Variants in C6orf132 observed in about 807,000 individuals in gnomAD.
The protein encoded by C6orf132 is chromosome 6 open reading frame 132.
In C6orf132, 43 loss-of-function variants were observed where a neutral mutation model predicts 65.3. That is an observed-to-expected ratio of 0.66 (90% CI 0.52 to 0.85). C6orf132 has a LOEUF of 0.85. Ranked by LOEUF, C6orf132 falls within the 40% of genes least tolerant of loss-of-function variation. The pLI, the probability that C6orf132 is intolerant of heterozygous loss-of-function variation, is 0.00. For synonymous variants in C6orf132, 631 were observed against 654.1 expected, an observed-to-expected ratio of 0.96 and a Z score of 0.54; for missense variants, 1,488 against 1,548.8, an observed-to-expected ratio of 0.96 and a Z score of 0.66.
At chr6:42,116,504 A>G (rs892253014) in intron 2 of C6orf132, among the ~76,000 whole-genome samples, 2 of 152,012 alleles carry the variant, frequency 1.3e-5, no homozygotes, top group African/African-American at 4.8e-5. Flanking sequence ...TCCCTCACCC[A>G]GATGAACAGA....
At chr6:42,126,703 C>T (rs1766772095) in intron 2 of C6orf132, 1 of 310,252 alleles carries the variant, frequency 3.2e-6, no homozygotes, top group East Asian at 4.9e-5. Context: ...ATTTGCCGGG[C>T]ATGGTGGTGG....
In C6orf132 at chr6:42,142,488, C is replaced by T; in HGVS notation, c.-44G>A. On this transcript the variant is annotated 5_prime_UTR_variant, in exon 1 of 5. Coordinates refer to ENST00000341865, the MANE Select transcript of C6orf132 (RefSeq NM_001164446.3). ...GGCGCCAGGGAAGGACCTTCCCTCC[C>T]TCGCCCTGCCCTGCCCCGGACTGAA... The T allele has an allele frequency of 6.5e-7, 1 of 1,539,530 alleles. No individual in the cohort carries two copies. Among genetic ancestry groups the T allele is most frequent in the Non-Finnish European group, 8.8e-7 (1 of 1,141,418 alleles).
At chr6:42,115,377 TG>T (rs1388935430) in intron 2 of C6orf132, among the ~76,000 whole-genome samples, 1 of 151,746 alleles carries the variant, frequency 6.6e-6, no homozygotes, top group Non-Finnish European at 1.5e-5. Flanking sequence ...CCGGGCGCAG[TG>T]GCTCATGCCT....
intron 1 of C6orf132, among the ~76,000 whole-genome samples, chr6:42,134,483 C>T (rs1453666455): frequency 6.6e-6 from 1 of 152,016 alleles, no homozygotes; most frequent in African/African-American, 2.4e-5. Flanking sequence ...AGCTCAAGAT[C>T]AGCCTGGCGG....
intron 2 of C6orf132, among the ~76,000 whole-genome samples, chr6:42,121,550 G>A (rs1766683859): frequency 6.6e-6 from 1 of 152,162 alleles, no homozygotes; most frequent in African/African-American, 2.4e-5. Context: ...CTCATGCCTG[G>A]GACACACACA....
Position 42,106,017 on chromosome 6 carries a change from T to C in C6orf132, c.1895A>G (p.Gln632Arg), listed in dbSNP as rs1766397094. The C allele has an allele frequency of 3.9e-6, 6 of 1,537,090 alleles. No homozygotes were observed. The Admixed American group carries it at 1.2e-4, about 30-fold the overall frequency. ...STTLLPTTSL[Q>R]PKAMLGPAIP... ...GGCTGGTCCCAACATAGCCTTGGGCTGGAGTGATGTAGTTGGCAGCAGGGT... is the reference window on the plus strand; with the variant it reads ...GGCTGGTCCCAACATAGCCTTGGGCCGGAGTGATGTAGTTGGCAGCAGGGT... The change falls in exon 4 of 5, where the codon CAG becomes CGG. Residue 632 changes from glutamine (Q) to arginine (R), a missense_variant. Gln to Arg is a conservative substitution (Grantham distance 43). Transcript: ENST00000341865.
chr6:42,126,473 G>C (rs1766767075), intron 2 of C6orf132: 1 of 156,162 alleles, frequency 6.4e-6, no homozygotes, highest in African/African-American at 2.4e-5. Context: ...GTCAACTCTG[G>C]GCCCACACTG....
chr6:42,137,091 C>T (rs1297218149), intron 1 of C6orf132, among the ~76,000 whole-genome samples: 2 of 152,200 alleles, frequency 1.3e-5, no homozygotes, highest in Non-Finnish European at 2.9e-5. Flanking sequence ...TGAGCTACCC[C>T]GGACTGGAAT....
Position 42,106,249 on chromosome 6 carries a change from G to A in C6orf132, c.1663C>T (p.Pro555Ser), listed in dbSNP as rs199641940. The A allele has an allele frequency of 2.7e-3, 4,121 of 1,537,200 alleles. 15 individuals are homozygous for A. Among genetic ancestry groups the A allele is most frequent in the Non-Finnish European group, 3.0e-3 (3,431 of 1,146,920 alleles). ...SLTLPSVDYI[P>S]QDSPTPSVRQ... ...ACACTGGGAGTTGGAGAGTCTTGGG[G>A]AATGTAGTCCACAGAGGGCAGGGTC... The change falls in exon 4 of 5, where the codon CCC becomes TCC. Residue 555 changes from proline (P) to serine (S), a missense_variant. By Grantham distance (74) the Pro-to-Ser change is moderately conservative. Coordinates refer to ENST00000341865, the MANE Select transcript of C6orf132 (RefSeq NM_001164446.3).
In C6orf132 at chr6:42,142,491, G is replaced by A; in HGVS notation, c.-47C>T. 2 of 1,511,122 alleles carry A rather than the reference G, an allele frequency of 1.3e-6. No homozygotes were observed. The highest frequency in any genetic ancestry group is 1.2e-5 in the South Asian group (1 of 81,216). The allele number at this position is 1,511,122 out of a possible 1,614,324, so 93.6% of individuals were successfully genotyped here. ...GCCAGGGAAGGACCTTCCCTCCCTCGCCCTGCCCTGCCCCGGACTGAACTC... is the reference window on the plus strand; with the variant it reads ...GCCAGGGAAGGACCTTCCCTCCCTCACCCTGCCCTGCCCCGGACTGAACTC... On this transcript the variant is annotated 5_prime_UTR_variant, in exon 1 of 5. Coordinates refer to ENST00000341865, the MANE Select transcript of C6orf132 (RefSeq NM_001164446.3).
intron 2 of C6orf132, among the ~76,000 whole-genome samples, chr6:42,119,248 CAAAAAAAAA>C (rs1156356191): frequency 4.5e-5 from 2 of 44,778 alleles, no homozygotes; most frequent in Admixed American, 4.1e-4. Flanking sequence ...GACTCTGTCT[CAAAAAAAAA>C]AAAAAAAAAA....
chr6:42,106,481 A>G lies in C6orf132; in HGVS notation c.1431T>C (p.Tyr477=), dbSNP rs1205623694. 10 of 1,535,754 alleles carry G rather than the reference A, an allele frequency of 6.5e-6. No individual in the cohort carries two copies. The highest frequency in any genetic ancestry group is 8.7e-6 in the Non-Finnish European group (10 of 1,146,600). ...MEKLRNELAA[Y]LCGSRREDRF... is the part of the protein sequence containing the mutation. ...GGTCCTCTCTCCTGGAGCCACAGAGATAGGCTGCCAGCTCGTTCCGCAGCT... is the reference window on the plus strand; with the variant it reads ...GGTCCTCTCTCCTGGAGCCACAGAGGTAGGCTGCCAGCTCGTTCCGCAGCT... The change falls in exon 4 of 5, where the codon TAT becomes TAC. Residue 477 remains tyrosine (Y), a synonymous_variant. Coordinates refer to ENST00000341865, the MANE Select transcript of C6orf132 (RefSeq NM_001164446.3).
chr6:42,103,728 G>A lies in C6orf132; in HGVS notation c.*33C>T, dbSNP rs1766335957. On this transcript the variant is annotated 3_prime_UTR_variant, in exon 5 of 5. Coordinates refer to ENST00000341865, the MANE Select transcript of C6orf132 (RefSeq NM_001164446.3). ...AAGTGCCCAGATCCTTAAAGACACA[G>A]TTTGTTGGAGTAGAGCTAAGAGAAC... 7.8e-7 allele frequency: 1 copy of A among 1,284,546 alleles called. No homozygotes were observed. Among genetic ancestry groups the A allele is most frequent in the African/African-American group, 1.5e-5 (1 of 64,854 alleles). 79.6% of individuals were successfully genotyped at this position (1,284,546 alleles called of 1,614,324 possible).
At chr6:42,115,522 T>C (rs1306080857) in intron 2 of C6orf132, among the ~76,000 whole-genome samples, 1 of 151,334 alleles carries the variant, frequency 6.6e-6, no homozygotes, top group Non-Finnish European at 1.5e-5. Context: ...GGCAGGCGCC[T>C]GTAGTCCCAG....
At position 42,142,552 on chromosome 6, in the gene C6orf132, T is replaced by TC; in HGVS notation, c.-109dup. On this transcript the variant is annotated 5_prime_UTR_variant, in exon 1 of 5. Transcript: ENST00000341865. The stretch of plus-strand genomic sequence containing the variant: ...CCCCAGGGGACTCTACCAGGCCATG[T>TC]CCCCCGCCGTCCTCCCCGCCCGCGC... 1.5e-6 allele frequency: 1 copy of TC among 685,030 alleles called. No individual in the cohort carries two copies. The highest frequency in any genetic ancestry group is 2.8e-5 in the South Asian group (1 of 35,424). The allele number at this position is 685,030 out of a possible 1,614,324, so 42.4% of individuals were successfully genotyped here.
In C6orf132 at chr6:42,105,002, A is replaced by G; in HGVS notation, c.2910T>C (p.Pro970=). The change falls in exon 4 of 5, where the codon CCT becomes CCC. Residue 970 remains proline (P), a synonymous_variant. Transcript: ENST00000341865. ...LPKSFSSPPS[P]SNKREEEEEE... The stretch of plus-strand genomic sequence containing the variant: ...CCTCCTCCTCCTCCCTCTTGTTCGA[A>G]GGAGAAGGTGGGGAGGAGAAGGACT... 9 of 1,524,668 alleles carry G rather than the reference A, an allele frequency of 5.9e-6. No homozygotes were observed. Among genetic ancestry groups the G allele is most frequent in the Non-Finnish European group, 7.9e-6 (9 of 1,141,944 alleles). 94.4% of individuals were successfully genotyped at this position (1,524,668 alleles called of 1,614,324 possible).
chr6:42,117,391 T>C (rs1165012232), intron 2 of C6orf132, among the ~76,000 whole-genome samples: 2 of 152,128 alleles, frequency 1.3e-5, no homozygotes, highest in East Asian at 1.9e-4. Context: ...AGGGCCAATA[T>C]TGGGACCTGA....
At chr6:42,137,892 T>A (rs1373085987) in intron 1 of C6orf132, among the ~76,000 whole-genome samples, 1 of 151,722 alleles carries the variant, frequency 6.6e-6, no homozygotes, top group Non-Finnish European at 1.5e-5. Flanking sequence ...CTGGCCAACA[T>A]GGTGAAACCC....
chr6:42,128,746 T>C lies in C6orf132; in HGVS notation c.178A>G (p.Thr60Ala). 1 of 1,551,570 alleles carries C rather than the reference T, an allele frequency of 6.4e-7. No homozygotes were observed. Among genetic ancestry groups the C allele is most frequent in the Non-Finnish European group, 8.7e-7 (1 of 1,146,948 alleles). ...GIYYGDNRFN[T>A]VSESGTATLK... Reference sequence around the variant, plus strand: ...GTGGCTGTTCCTGACTCGCTCACTGTGTTAAACCGATTGTCTCCATAATAG... The same window carrying C: ...GTGGCTGTTCCTGACTCGCTCACTGCGTTAAACCGATTGTCTCCATAATAG... The change falls in exon 2 of 5, where the codon ACA becomes GCA. Residue 60 changes from threonine (T) to alanine (A), a missense_variant. Physicochemically the swap from Thr to Ala is moderately conservative, Grantham distance 58. Transcript: ENST00000341865.
Sources: allele counts gnomAD v4.1 joint callset (sites outside exome capture counted in the v4.1 genomes callset), GRCh38; gene constraint gnomAD v4.1.1; transcripts MANE v1.5; gene names NCBI Gene and HGNC (gene_info 2026-07-23, HGNC 2026-07-21).